The following RCAN3 variants were observed in gnomAD, a reference collection of about 807,000 sequenced individuals.
RCAN3 encodes calcipressin-3.
A neutral mutation model predicts 21.9 loss-of-function variants in RCAN3; 19 were observed. The ratio of observed to expected loss-of-function variants is 0.87; its 90% CI spans 0.61 to 1.27. The LOEUF is 1.27. Among genes scored for constraint, RCAN3 ranks in the 50% most tolerant of loss-of-function variants. The pLI is 0.00. For synonymous variants in RCAN3, 114 were observed against 112.3 expected (o/e 1.01, Z -0.09); for missense variants, 240 against 300.1 (o/e 0.80, Z 1.48).
At chr1:24,503,684 G>C (rs1647247569) in intron 1 of RCAN3, among the ~76,000 whole-genome samples, 1 of 152,178 alleles carries the variant, frequency 6.6e-6, no homozygotes, top group African/African-American at 2.4e-5. Context: ...TCTAGCTTCC[G>C]TGCAAAATCT....
intron 2 of RCAN3, among the ~76,000 whole-genome samples, chr1:24,529,443 G>A (rs111549244): frequency 1.3e-5 from 2 of 150,754 alleles, no homozygotes; most frequent in African/African-American, 4.9e-5. Context: ...CTGCTACTCA[G>A]GAGGCTGAAG....
chr1:24,533,888 C>T (rs1649999929), intron 4 of RCAN3, among the ~76,000 whole-genome samples: 2 of 152,180 alleles, frequency 1.3e-5, no homozygotes, highest in South Asian at 4.1e-4. Flanking sequence ...ACAGATTTTG[C>T]TAGTACTTGA....
chr1:24,516,004 G>A (rs1570456683), intron 2 of RCAN3, among the ~76,000 whole-genome samples: 4 of 152,196 alleles, frequency 2.6e-5, no homozygotes, highest in South Asian at 4.2e-4. Context: ...TTAGCTGGGC[G>A]TGGTGGCAGG....
chr1:24,510,645 A>G (rs1647798821), intron 1 of RCAN3, among the ~76,000 whole-genome samples: 3 of 152,344 alleles, frequency 2.0e-5, no homozygotes, highest in African/African-American at 4.8e-5. Flanking sequence ...ATCTAGACCA[A>G]TCAGACTTTT....
intron 2 of RCAN3, among the ~76,000 whole-genome samples, chr1:24,530,776 C>T (rs1367589703): frequency 6.6e-6 from 1 of 152,116 alleles, no homozygotes; most frequent in Non-Finnish European, 1.5e-5. Flanking sequence ...TTTGGGAGGC[C>T]CAGGTGGACA....
chr1:24,529,299 T>C (rs1240048576), intron 2 of RCAN3, among the ~76,000 whole-genome samples: 2 of 151,410 alleles, frequency 1.3e-5, no homozygotes, highest in African/African-American at 4.9e-5. Flanking sequence ...ATGCCTGTAA[T>C]CCCAGCATTT....
chr1:24,505,151 T>C (rs1647320993), intron 1 of RCAN3, among the ~76,000 whole-genome samples: 1 of 151,654 alleles, frequency 6.6e-6, no homozygotes, highest in African/African-American at 2.4e-5. Context: ...AGGTAGGGCT[T>C]CGTGATAGCC....
chr1:24,510,189 T>C (rs980169714), intron 1 of RCAN3, among the ~76,000 whole-genome samples: 1 of 145,984 alleles, frequency 6.9e-6, no homozygotes, highest in Admixed American at 6.9e-5. Flanking sequence ...CCATAGGATT[T>C]TTAGAATGGT....
chr1:24,505,990 A>T (rs1055604261), intron 1 of RCAN3, among the ~76,000 whole-genome samples: 2 of 152,164 alleles, frequency 1.3e-5, no homozygotes, highest in African/African-American at 2.4e-5. Flanking sequence ...TGGTCATGCT[A>T]CTTGGAGTTT....
rs559101498 is a variant in RCAN3 at position 24,535,979 on chromosome 1, A to G, written c.*702A>G. 332 of 151,936 alleles carry G rather than the reference A, an allele frequency of 2.2e-3. 3 individuals are homozygous for G. The highest frequency in any genetic ancestry group is 2.6e-3 in the Non-Finnish European group (179 of 68,026). 9.4% of individuals were successfully genotyped at this position (151,936 alleles called of 1,614,324 possible). A position where few individuals can be genotyped will look rare whatever the true frequency, so the allele number is the denominator to read the frequency against. On this transcript the variant is annotated 3_prime_UTR_variant, in exon 5 of 5. Coordinates refer to ENST00000374395, the MANE Select transcript of RCAN3 (RefSeq NM_013441.4). ...TCATTCCTGATGTGGCGCCCTCCAG[A>G]CATGGCTGCCCAGGAAGGACGGCCA...
chr1:24,513,071 A>G (rs1396082196), intron 1 of RCAN3, among the ~76,000 whole-genome samples: 1 of 152,152 alleles, frequency 6.6e-6, no homozygotes, highest in East Asian at 1.9e-4. Context: ...CCCCATCTCT[A>G]CTAAAAATAC....
chr1:24,509,722 C>T (rs1647729693), intron 1 of RCAN3, among the ~76,000 whole-genome samples: 1 of 152,110 alleles, frequency 6.6e-6, no homozygotes, highest in South Asian at 2.1e-4. Context: ...GTTGATGTTG[C>T]GATTTTGACC....
intron 1 of RCAN3, among the ~76,000 whole-genome samples, chr1:24,509,500 C>G (rs948688645): frequency 2.0e-5 from 3 of 152,216 alleles, no homozygotes; most frequent in Non-Finnish European, 4.4e-5. Context: ...GATTTTATCT[C>G]AAGAGACCAC....
intron 1 of RCAN3, among the ~76,000 whole-genome samples, chr1:24,511,587 A>C (rs1308353586): frequency 6.6e-6 from 1 of 152,250 alleles, no homozygotes; most frequent in Non-Finnish European, 1.5e-5. Context: ...GGTGCAGTTC[A>C]TGGTGCCCCA....
In RCAN3 at chr1:24,533,105, G is replaced by T. The variant is rs376349376; in HGVS notation, c.392G>T (p.Arg131Leu). ...CAGGTGCAGATGTCCGGCGAAGTGCGGGACAAGTCCTATCTCCTGCCGCCC... is the reference window on the plus strand; with the variant it reads ...CAGGTGCAGATGTCCGGCGAAGTGCTGGACAAGTCCTATCTCCTGCCGCCC... ...FAQVQMSGEV[R>L]DKSYLLPPQP... The change falls in exon 4 of 5, where the codon CGG (arginine) becomes CTG (leucine). Residue 131 changes from arginine (R) to leucine (L), a missense_variant. By Grantham distance (102) the Arg-to-Leu change is moderately radical. Coordinates refer to ENST00000374395, the MANE Select transcript of RCAN3 (RefSeq NM_013441.4). 3.3e-6 allele frequency: 5 copies of T among 1,514,104 alleles called. No homozygotes were observed. The highest frequency in any genetic ancestry group is 4.4e-6 in the Non-Finnish European group (5 of 1,132,788). 93.8% of individuals were successfully genotyped at this position (1,514,104 alleles called of 1,614,324 possible). A position where few individuals can be genotyped will look rare whatever the true frequency, so the allele number is the denominator to read the frequency against.
At chr1:24,519,718 C>T (rs1165628167) in intron 2 of RCAN3, among the ~76,000 whole-genome samples, 1 of 152,146 alleles carries the variant, frequency 6.6e-6, no homozygotes, top group African/African-American at 2.4e-5. Flanking sequence ...ATTGAGTTCC[C>T]AGTGCAAAGC....
intron 2 of RCAN3, among the ~76,000 whole-genome samples, chr1:24,515,427 G>GGTGTGTATGT (rs920267986): frequency 2.0e-5 from 3 of 146,380 alleles, no homozygotes; most frequent in African/African-American, 7.6e-5. Context: ...TAGAAAGAGA[G>GGTGTGTATGT]GTGTGTGTGT....
intron 2 of RCAN3, among the ~76,000 whole-genome samples, chr1:24,526,795 T>G (rs1570474367): frequency 1.3e-5 from 2 of 152,182 alleles, no homozygotes; most frequent in African/African-American, 4.8e-5. Flanking sequence ...AAAATACATT[T>G]AAAATAAGCT....
intron 1 of RCAN3, among the ~76,000 whole-genome samples, chr1:24,511,157 C>T (rs1647845723): frequency 6.6e-6 from 1 of 151,982 alleles, no homozygotes; most frequent in Admixed American, 6.6e-5. Flanking sequence ...ACTAAAAATA[C>T]AAAAAATTAG....
Sources: gnomAD v4.1 joint callset for allele counts (sites outside exome capture counted in the v4.1 genomes callset) on GRCh38, gnomAD v4.1.1 for gene constraint, MANE v1.5 for transcripts, NCBI Gene and HGNC (gene_info 2026-07-23, HGNC 2026-07-21) for gene names.